The following PEX16 variants were observed in gnomAD, a reference collection of about 807,000 sequenced individuals.
PEX16 encodes peroxisomal biogenesis factor 16.
PEX16 carries 37 observed loss-of-function variants against 50.5 expected under a neutral mutation model. That is an observed-to-expected ratio of 0.73 (90% CI 0.56 to 0.96). The LOEUF is 0.96. Among genes scored for constraint, PEX16 ranks in the 40% least tolerant of loss-of-function variants. PEX16 has a pLI of 0.00. For missense variants in PEX16, 401 were observed against 438.3 expected (o/e 0.91, Z 0.76); for synonymous variants, 185 against 190.3 (o/e 0.97, Z 0.23).
intron 2 of PEX16, chr11:45,917,161 C>G (rs1295021226): frequency 2.9e-6 from 2 of 679,064 alleles, no homozygotes; most frequent in Admixed American, 4.1e-5. Context: ...ACAGTGATGA[C>G]AATAAGTACC....
At chr11:45,915,864 G>A in intron 3 of PEX16, 28 bp from the exon 4 acceptor site, 1 of 1,612,148 alleles carries the variant, frequency 6.2e-7, no homozygotes. Context: ...CAAGAAGTCA[G>A]GGGGCCTGGG....
Position 45,915,448 on chromosome 11 carries a change from G to T in PEX16, c.460+20C>A, listed in dbSNP as rs749438800. On this transcript the variant is annotated intron_variant, in intron 5 of 10. Transcript: ENST00000378750. ...AGTCCCATGGCCCATTCCGCTCCAG[G>T]GCTTGGGGAAGTAGCTCACCCGGGG... The T allele has an allele frequency of 2.5e-6, 4 of 1,599,154 alleles. No homozygotes were observed. The highest frequency in any genetic ancestry group is 2.2e-5 in the South Asian group (2 of 90,768).
chr11:45,917,422 C>T (rs989115374), intron 2 of PEX16, 36 bp downstream of exon 2: 2 of 1,608,884 alleles, frequency 1.2e-6, no homozygotes, highest in Non-Finnish European at 1.7e-6. Flanking sequence ...GCCAGGCAGC[C>T]GATCCCCCAT....
At chr11:45,916,960 G>A in intron 2 of PEX16, 1 of 457,898 alleles carries the variant, frequency 2.2e-6, no homozygotes, top group Non-Finnish European at 4.4e-6. Flanking sequence ...GTGAGCCACT[G>A]CACCTGGCCT....
intron 9 of PEX16, 96 bp downstream of exon 9, chr11:45,913,723 G>A (rs1590795082): frequency 7.1e-7 from 1 of 1,400,930 alleles, no homozygotes. Context: ...GTGAACCCTG[G>A]ATGAGGCGTG....
Position 45,916,429 on chromosome 11 carries a change from C to A in PEX16, c.149-126G>T, listed in dbSNP as rs1565082344. On this transcript the variant is annotated intron_variant, in intron 2 of 10. Transcript: ENST00000378750. ...AGACACCCACAGACTATGTGGAAAC[C>A]AACCTTCTTCTCCACCCACTTCCTC... The A allele has an allele frequency of 5.1e-6, 4 of 782,254 alleles. No homozygotes were observed. The African/African-American group carries it at 6.7e-5, about 13-fold the overall frequency. The allele number at this position is 782,254 out of a possible 1,614,324, so 48.5% of individuals were successfully genotyped here.
chr11:45,915,611 C>T (rs376073440), intron 4 of PEX16, 43 bp from the exon 5 acceptor site: 39 of 1,612,654 alleles, frequency 2.4e-5, no homozygotes, highest in Admixed American at 1.0e-4. Context: ...GGTGGCTAGC[C>T]GGCGGGAGGC....
intron 5 of PEX16, among the ~76,000 whole-genome samples, 153 bp downstream of exon 5, chr11:45,915,315 C>T (rs1266014265): frequency 6.6e-6 from 1 of 152,256 alleles, no homozygotes; most frequent in African/African-American, 2.4e-5. Context: ...GCATCATTGT[C>T]TTCTCTGTCG....
chr11:45,911,257 G>T (rs572146853), intron 9 of PEX16, among the ~76,000 whole-genome samples: 1 of 152,156 alleles, frequency 6.6e-6, no homozygotes, highest in Admixed American at 6.5e-5. Flanking sequence ...CCTCTAGAGG[G>T]TCGCATGTGG....
chr11:45,917,379 G>A (rs925802712), intron 2 of PEX16, 79 bp downstream of exon 2: 27 of 1,354,402 alleles, frequency 2.0e-5, no homozygotes, highest in Non-Finnish European at 2.9e-5. Context: ...CCTCGGGCTG[G>A]GGTGCTCACC....
In PEX16 at chr11:45,913,820, C is replaced by T. The variant is rs1459984714; in HGVS notation, c.886G>A (p.Glu296Lys). 4 of 1,613,956 alleles carry T rather than the reference C, an allele frequency of 2.5e-6. No individual in the cohort carries two copies. The highest frequency in any genetic ancestry group is 1.1e-5 in the South Asian group (1 of 91,078). ...LRSPFYDRFS[E>K]ARILFLLQLL... ...GCTCAGGGTGTCCTGGGTGCTTACT[C>T]GGAGAAGCGGTCATAGAAAGGAGAG... Residue 296 changes from glutamate to lysine, a missense_variant and splice_region_variant, in exon 9 of 11, where the codon GAG (glutamate) becomes AAG (lysine). Transcript: ENST00000378750.
At chr11:45,912,520 A>C (rs2086789665) in intron 9 of PEX16, among the ~76,000 whole-genome samples, 1 of 151,986 alleles carries the variant, frequency 6.6e-6, no homozygotes, top group Non-Finnish European at 1.5e-5. Flanking sequence ...AACAAACAAA[A>C]AAAGACAGTG....
Position 45,914,310 on chromosome 11 carries a change from G to A in PEX16, c.694+6C>T. 3 of 1,613,512 alleles carry A rather than the reference G, an allele frequency of 1.9e-6. No homozygotes were observed. In the South Asian group the frequency reaches 3.3e-5, roughly 18 times the overall value. On this transcript the variant is annotated splice_donor_region_variant and intron_variant, in intron 7 of 10. Coordinates refer to ENST00000378750, the MANE Select transcript of PEX16 (RefSeq NM_004813.4). ...CCAGCCCTATCCTGCCCCGCGCTAAGGATACAGTGCAGCAGCGGCCGGGCA... is the reference window on the plus strand; with the variant it reads ...CCAGCCCTATCCTGCCCCGCGCTAAAGATACAGTGCAGCAGCGGCCGGGCA...
chr11:45,917,932 G>A, upstream of PEX16: 1 of 757,602 alleles, frequency 1.3e-6, no homozygotes, highest in Non-Finnish European at 2.3e-6. Flanking sequence ...TAACTTCCGC[G>A]GGCCAGAAGG....
intron 3 of PEX16, 32 bp from the exon 4 acceptor site, chr11:45,915,868 G>T (rs371653686): frequency 1.9e-6 from 3 of 1,610,218 alleles, no homozygotes; most frequent in African/African-American, 1.3e-5. Context: ...AAGTCAGGGG[G>T]CCTGGGACTA....
chr11:45,917,051 A>G (rs1297226980), intron 2 of PEX16: 1 of 505,840 alleles, frequency 2.0e-6, no homozygotes, highest in Admixed American at 2.3e-5. Flanking sequence ...AGGTAGTTAC[A>G]ATCTGGGAAT....
rs185274083 is a variant in PEX16 at position 45,912,289 on chromosome 11, G to A, written c.888-1327C>T. ...CGAGGCAGGCGGATCACGAGGTCAGGAGATCGAGACCATCCTGGTTAACAC... is the reference window on the plus strand; with the variant it reads ...CGAGGCAGGCGGATCACGAGGTCAGAAGATCGAGACCATCCTGGTTAACAC... On this transcript the variant is annotated intron_variant, in intron 9 of 10. Transcript: ENST00000378750. 3.6e-3 allele frequency among the ~76,000 whole-genome samples: 550 copies of A among 152,122 alleles called. 2 individuals carry two copies. Among genetic ancestry groups the A allele is most frequent in the Non-Finnish European group, 4.3e-3 (290 of 67,984 alleles).
intron 5 of PEX16, among the ~76,000 whole-genome samples, chr11:45,915,070 C>T (rs751041824): frequency 2.6e-4 from 40 of 152,260 alleles, no homozygotes; most frequent in Non-Finnish European, 1.9e-4. Context: ...ACGGCCCCAA[C>T]TCAATGTCCA....
Position 45,916,322 on chromosome 11 carries a change from C to T in PEX16, c.149-19G>A, listed in dbSNP as rs369545841. The T allele has an allele frequency of 2.5e-6, 4 of 1,600,622 alleles. No homozygotes were observed. Among genetic ancestry groups the T allele is most frequent in the Non-Finnish European group, 3.4e-6 (4 of 1,168,400 alleles). ...GAGTACACTGAGGGGTAGAGAGTGG[C>T]CTTGAGAGGCTGGCTCTGCAGCCTC... is the stretch of plus-strand genomic sequence containing the variant. On this transcript the variant is annotated intron_variant, in intron 2 of 10. Transcript: ENST00000378750.
Sources: allele counts gnomAD v4.1 joint callset (sites outside exome capture counted in the v4.1 genomes callset), GRCh38; gene constraint gnomAD v4.1.1; transcripts MANE v1.5; gene names NCBI Gene and HGNC (gene_info 2026-07-23, HGNC 2026-07-21).